RAP1GAP2: variants seen among roughly 807,000 people sequenced by gnomAD.
RAP1GAP2 encodes the protein rap1 GTPase-activating protein 2.
RAP1GAP2 carries 27 observed loss-of-function variants against 95.0 expected under a neutral mutation model. The observed-to-expected ratio is 0.28, with a 90% CI of 0.21 to 0.39. The LOEUF (loss-of-function observed/expected upper bound fraction) is 0.39. Ranked by LOEUF, RAP1GAP2 falls within the 10% of genes least tolerant of loss-of-function variation. RAP1GAP2 has a pLI of 1.00. For missense variants in RAP1GAP2, 771 were observed against 970.0 expected (o/e 0.79, Z 2.72); for synonymous variants, 373 against 380.9 (o/e 0.98, Z 0.24).
At chr17:2,918,596 G>C (rs2042649256) in intron 3 of RAP1GAP2, among the ~76,000 whole-genome samples, 1 of 152,070 alleles carries the variant, frequency 6.6e-6, no homozygotes, top group Non-Finnish European at 1.5e-5. Context: ...GGCCAGAGCG[G>C]GAGCAAGAGA....
intron 1 of RAP1GAP2, among the ~76,000 whole-genome samples, chr17:2,760,551 G>A (rs1029067416): frequency 1.4e-5 from 2 of 148,138 alleles, no homozygotes; most frequent in African/African-American, 4.9e-5. Flanking sequence ...ATGTTGGCCA[G>A]GCTGGTCTTG....
intron 3 of RAP1GAP2, among the ~76,000 whole-genome samples, chr17:2,929,499 C>T (rs973506693): frequency 6.6e-6 from 1 of 152,182 alleles, no homozygotes; most frequent in Non-Finnish European, 1.5e-5. Flanking sequence ...ACATGGCTGC[C>T]TGGGGCATCT....
chr17:2,767,359 TAAAAAAAAA>T (rs397857982), intron 1 of RAP1GAP2, among the ~76,000 whole-genome samples: 1,535 of 53,750 alleles, frequency 0.029, 54 homozygotes, highest in African/African-American at 0.1. Flanking sequence ...GAGACTCTGT[TAAAAAAAAA>T]AAAAAAAAAA....
chr17:2,781,939 GGTCTCTGTGTGTGCAT>G (rs1359710081), intron 1 of RAP1GAP2, among the ~76,000 whole-genome samples: 7 of 150,566 alleles, frequency 4.6e-5, no homozygotes, highest in Admixed American at 1.3e-4. Context: ...TGTGTGGGCA[GGTCTCTGTGTGTGCAT>G]GTCTCTGTGT....
At chr17:2,928,008 G>A (rs1039357342) in intron 3 of RAP1GAP2, among the ~76,000 whole-genome samples, 2 of 152,176 alleles carry the variant, frequency 1.3e-5, no homozygotes, top group Non-Finnish European at 2.9e-5. Flanking sequence ...CACACACGCT[G>A]CAGCCTAGAG....
intron 2 of RAP1GAP2, among the ~76,000 whole-genome samples, chr17:2,830,532 G>A (rs1304788297): frequency 6.6e-6 from 1 of 152,004 alleles, no homozygotes; most frequent in Non-Finnish European, 1.5e-5. Context: ...TGGCTAACAT[G>A]GTGAAACCCC....
At chr17:2,768,293 C>A (rs1484913488) in intron 1 of RAP1GAP2, among the ~76,000 whole-genome samples, 6 of 152,158 alleles carry the variant, frequency 3.9e-5, no homozygotes, top group Non-Finnish European at 8.8e-5. Context: ...TATCAGAGTG[C>A]CTGTTTGTAA....
intron 2 of RAP1GAP2, among the ~76,000 whole-genome samples, chr17:2,885,885 T>C (rs113407738): frequency 6.6e-6 from 1 of 152,216 alleles, no homozygotes; most frequent in East Asian, 1.9e-4. Flanking sequence ...TTGACATTGA[T>C]GCATCATCTT....
At chr17:2,981,765 G>A (rs2045366540) in intron 10 of RAP1GAP2, among the ~76,000 whole-genome samples, 1 of 152,142 alleles carries the variant, frequency 6.6e-6, no homozygotes, top group African/African-American at 2.4e-5. Flanking sequence ...CTTTGAATTG[G>A]CCTGATACTG....
At chr17:2,943,491 G>T (rs1376391612) in intron 3 of RAP1GAP2, among the ~76,000 whole-genome samples, 2 of 151,846 alleles carry the variant, frequency 1.3e-5, no homozygotes, top group Non-Finnish European at 2.9e-5. Context: ...TGGCCAACAT[G>T]GTGAAATCCT....
Position 2,872,452 on chromosome 17 carries a change from CAGAGGCTTATCTCAGG to C in RAP1GAP2, c.81-32829_81-32814del, listed in dbSNP as rs148596558. Among the ~76,000 whole-genome samples the C allele has an allele frequency of 6.9e-3, 1,051 of 151,688 alleles. 19 individuals carry two copies. The highest frequency in any genetic ancestry group is 0.024 in the African/African-American group (1,009 of 41,344). On this transcript the variant is annotated intron_variant, in intron 2 of 24. Transcript: ENST00000254695. ...GCTTTGAAACAAAGACCGTTGGTTA[CAGAGGCTTATCTCAGG>C]AGGGGGCTTTTGTTCTTGGTGGTAT...
intron 3 of RAP1GAP2, among the ~76,000 whole-genome samples, chr17:2,949,664 C>T (rs1358237689): frequency 1.2e-5 from 1 of 85,520 alleles, no homozygotes; most frequent in African/African-American, 3.4e-5. Flanking sequence ...AACTGAGTGC[C>T]TTCTGTGTGC....
chr17:2,935,769 G>A (rs572447273), intron 3 of RAP1GAP2, among the ~76,000 whole-genome samples: 3 of 152,174 alleles, frequency 2.0e-5, no homozygotes, highest in Non-Finnish European at 2.9e-5. Flanking sequence ...CAAGTGAGGC[G>A]CGAGGCCTCA....
At chr17:2,909,777 C>CA (rs966178002) in intron 3 of RAP1GAP2, among the ~76,000 whole-genome samples, 2 of 152,160 alleles carry the variant, frequency 1.3e-5, no homozygotes, top group African/African-American at 4.8e-5. Flanking sequence ...GCCCAGGCCC[C>CA]AAGCACAAGG....
At chr17:2,893,410 T>C (rs1320485825) in intron 2 of RAP1GAP2, among the ~76,000 whole-genome samples, 1 of 152,220 alleles carries the variant, frequency 6.6e-6, no homozygotes, top group Admixed American at 6.5e-5. Context: ...TCTGACAGGT[T>C]CATCCTGGAA....
rs563956477 is a variant in RAP1GAP2, at chr17:2,899,436, C to T, written c.81-5848C>T. Reference sequence around the variant, plus strand: ...CCATGTTAGCCAGGATGGTCTCGATCTCCTGACCTCGTGATCCGCCTGCCT... The same window carrying T: ...CCATGTTAGCCAGGATGGTCTCGATTTCCTGACCTCGTGATCCGCCTGCCT... On this transcript the variant is annotated intron_variant, in intron 2 of 24. Transcript: ENST00000254695. Among the ~76,000 whole-genome samples, 9 of 152,240 alleles carry T rather than the reference C, an allele frequency of 5.9e-5. No homozygotes were observed. In the South Asian group the frequency reaches 1.9e-3, roughly 32 times the overall value.
intron 2 of RAP1GAP2, among the ~76,000 whole-genome samples, chr17:2,860,029 A>AACCTGGTATCGGGAGATT (rs2072311846): frequency 6.6e-6 from 1 of 150,870 alleles, no homozygotes; most frequent in African/African-American, 2.4e-5. Context: ...CTAGGGTGTG[A>AACCTGGTATCGGGAGATT]ACCTGGTATC....
In RAP1GAP2 at chr17:2,894,312, C is replaced by A. The variant is rs535356630; in HGVS notation, c.81-10972C>A. 2.6e-5 allele frequency among the ~76,000 whole-genome samples: 4 copies of A among 152,316 alleles called. No individual in the cohort carries two copies. The South Asian group carries it at 8.3e-4, about 32-fold the overall frequency. On this transcript the variant is annotated intron_variant, in intron 2 of 24. Transcript: ENST00000254695. ...AGGCATGGTGGTAGGCACCTGTAGT[C>A]CCAGCTACTTGGGAGGCTGAGACAG...
chr17:2,968,912 A>G (rs1244457718), intron 8 of RAP1GAP2, among the ~76,000 whole-genome samples: 1 of 152,104 alleles, frequency 6.6e-6, no homozygotes, highest in Non-Finnish European at 1.5e-5. Context: ...TCAAGGCAAA[A>G]AAGCAATCAG....
Sources: allele counts gnomAD v4.1 joint callset (sites outside exome capture counted in the v4.1 genomes callset), GRCh38; gene constraint gnomAD v4.1.1; transcripts MANE v1.5; gene names NCBI Gene and HGNC (gene_info 2026-07-23, HGNC 2026-07-21).